The following PLEKHG5 variants were observed in gnomAD, a reference collection of about 807,000 sequenced individuals.
PLEKHG5 encodes pleckstrin homology and RhoGEF domain containing G5, also known as pleckstrin homology domain-containing family G member 5.
A neutral mutation model predicts 103.8 loss-of-function variants in PLEKHG5; 52 were observed. That is an observed-to-expected ratio of 0.50 (90% CI 0.40 to 0.63). The LOEUF is 0.63. Ranked by LOEUF, PLEKHG5 falls within the 30% of genes least tolerant of loss-of-function variation. The pLI is 0.00. For synonymous variants in PLEKHG5, 592 were observed against 575.5 expected (o/e 1.03, Z -0.41); for missense variants, 1,205 against 1,347.6 (o/e 0.89, Z 1.66).
At chr1:6,496,883 C>A (rs1216868967), upstream of PLEKHG5, 7 of 1,321,564 alleles carry the variant, frequency 5.3e-6, no homozygotes, top group Admixed American at 1.5e-4. Context: ...TTTTGGGGCC[C>A]CAGACTTCCC....
chr1:6,467,813 C>T lies in PLEKHG5; in HGVS notation c.3011+12G>A, dbSNP rs1429573125. The T allele has an allele frequency of 6.2e-7, 1 of 1,612,962 alleles. No homozygotes were observed. Among genetic ancestry groups the T allele is most frequent in the South Asian group, 1.1e-5 (1 of 91,016 alleles). ...CTGAGCCACCTGCCCTACCCCAGTC[C>T]AGGCCACTCACGAGGCAGTGAGCGT... On this transcript the variant is annotated intron_variant, in intron 20 of 20. Coordinates refer to ENST00000377728, the MANE Select transcript of PLEKHG5 (RefSeq NM_020631.6).
Position 6,490,613 on chromosome 1 carries a change from G to A in PLEKHG5, c.-88+1024C>T. ...GGGACGTAGGGGAATTACGGTAGCC[G>A]CGCGGGCGCTACCACCTGGACCGGC... On this transcript the variant is annotated intron_variant, in intron 1 of 20. Coordinates refer to ENST00000377728, the MANE Select transcript of PLEKHG5 (RefSeq NM_020631.6). This position sits in a 1 kb window ranked among gnomAD's most constrained non-coding sequence, Gnocchi z 8.0. The A allele has an allele frequency of 1.0e-6, 1 of 985,256 alleles. No homozygotes were observed. Among genetic ancestry groups the A allele is most frequent in the Non-Finnish European group, 1.2e-6 (1 of 829,802 alleles). 61.0% of individuals were successfully genotyped at this position (985,256 alleles called of 1,614,324 possible).
upstream of PLEKHG5, chr1:6,496,525 G>T (rs201669114): frequency 4.4e-6 from 7 of 1,603,516 alleles, no homozygotes; most frequent in Non-Finnish European, 8.5e-7. Context: ...ATGCAGGCGG[G>T]GTTCTGACAG....
At chr1:6,500,477 C>A (rs1210920256), upstream of PLEKHG5, among the ~76,000 whole-genome samples, 2 of 152,026 alleles carry the variant, frequency 1.3e-5, no homozygotes, top group African/African-American at 2.4e-5. Flanking sequence ...GGTGTCTGCT[C>A]CCCGACCTCA....
chr1:6,477,077 C>T (rs1264906967), intron 2 of PLEKHG5, among the ~76,000 whole-genome samples: 2 of 152,198 alleles, frequency 1.3e-5, no homozygotes, highest in African/African-American at 4.8e-5. Flanking sequence ...GATGGTGGGC[C>T]TGAGCTGGGT....
rs1644638739 is a variant in PLEKHG5, at chr1:6,472,991, G to A, written c.979C>T (p.His327Tyr). The A allele has an allele frequency of 6.2e-7, 1 of 1,613,710 alleles. No homozygotes were observed. Among genetic ancestry groups the A allele is most frequent in the Non-Finnish European group, 8.5e-7 (1 of 1,179,830 alleles). Residue 327 changes from histidine to tyrosine, a missense_variant, in exon 9 of 21, where the codon CAT (histidine) becomes TAT (tyrosine). Transcript: ENST00000377728. ...GCACTGTGGCCCGCACTCACCTCAT[G>A]CCCATCAATGAGCTCCCGCCAGCTG... ...EDSWRELIDG[H>Y]EKLTRRQCHQ... is the part of the protein sequence containing the mutation.
rs756428852 is a variant in PLEKHG5, at chr1:6,477,545, G to A, written c.27C>T (p.Phe9=). Reference sequence around the variant, plus strand: ...TGTGCTCACCTTGTGGGGGAAGGTCGAAGCGGACATGCCCATCATAATGCA... The same window carrying A: ...TGTGCTCACCTTGTGGGGGAAGGTCAAAGCGGACATGCCCATCATAATGCA... The part of the protein sequence containing the change: MHYDGHVR[F]DLPPQGSVLA... The change falls in exon 2 of 21, where the codon TTC becomes TTT. Residue 9 remains phenylalanine (F), a synonymous_variant. Transcript: ENST00000377728. 41 of 1,612,120 alleles carry A rather than the reference G, an allele frequency of 2.5e-5. No individual in the cohort carries two copies. The highest frequency in any genetic ancestry group is 3.3e-4 in the Middle Eastern group (2 of 6,084).
At chr1:6,481,209 C>T (rs1569916446) in intron 1 of PLEKHG5, among the ~76,000 whole-genome samples, 1 of 152,184 alleles carries the variant, frequency 6.6e-6, no homozygotes, top group East Asian at 1.9e-4. Context: ...ACTCAAAACC[C>T]TCCAAGGGTT....
At chr1:6,485,851 C>T (rs974749299) in intron 1 of PLEKHG5, 1 of 988,106 alleles carries the variant, frequency 1.0e-6, no homozygotes, top group Non-Finnish European at 1.2e-6. Context: ...CGCCTCTGCG[C>T]GGCCCCGGGC....
chr1:6,484,807 C>A (rs1264162902), intron 1 of PLEKHG5, among the ~76,000 whole-genome samples: 1 of 152,148 alleles, frequency 6.6e-6, no homozygotes, highest in African/African-American at 2.4e-5. Flanking sequence ...AGAGAGCCCA[C>A]CCATGGGAAC....
In PLEKHG5 at chr1:6,475,912, C is replaced by G. The variant is rs1644753363; in HGVS notation, c.149+19G>C. The G allele has an allele frequency of 6.3e-7, 1 of 1,590,942 alleles. No homozygotes were observed. The highest frequency in any genetic ancestry group is 2.2e-5 in the East Asian group (1 of 44,766). Reference sequence around the variant, plus strand: ...TGGGGCCCTCCAGGTATCTCTCTGCCCACTCATCCCTCACCTACCCTTTGC... The same window carrying G: ...TGGGGCCCTCCAGGTATCTCTCTGCGCACTCATCCCTCACCTACCCTTTGC... On this transcript the variant is annotated intron_variant, in intron 3 of 20. Coordinates refer to ENST00000377728, the MANE Select transcript of PLEKHG5 (RefSeq NM_020631.6).
rs868829654 is a variant in PLEKHG5, at chr1:6,485,966, G to A, written c.-88+5671C>T. On this transcript the variant is annotated intron_variant, in intron 1 of 20. Coordinates refer to ENST00000377728, the MANE Select transcript of PLEKHG5 (RefSeq NM_020631.6). ...GCTCCTTGAATGCTGGAGGCAGGGG[G>A]CGCTGGTGACACCCCCCCCCACCTT... is the stretch of plus-strand genomic sequence containing the variant. 35 of 940,526 alleles carry A rather than the reference G, an allele frequency of 3.7e-5. No individual in the cohort carries two copies. In the Middle Eastern group the frequency reaches 1.6e-3, roughly 43 times the overall value. The allele number at this position is 940,526 out of a possible 1,614,324, so 58.3% of individuals were successfully genotyped here.
intron 3 of PLEKHG5, 93 bp downstream of exon 3, chr1:6,475,838 G>A (rs1343458327): frequency 6.5e-6 from 7 of 1,077,580 alleles, no homozygotes; most frequent in Admixed American, 1.7e-5. Context: ...CTTACTTGAG[G>A]AAGGCGCCAG....
At chr1:6,485,883 C>T (rs1191995808) in intron 1 of PLEKHG5, 1 of 987,754 alleles carries the variant, frequency 1.0e-6, no homozygotes, top group African/African-American at 1.7e-5. Flanking sequence ...CTGACTCCCT[C>T]CTCAACACCA....
At chr1:6,471,436 G>C (rs1481256459) in intron 12 of PLEKHG5, 52 bp downstream of exon 12, 4 of 1,571,942 alleles carry the variant, frequency 2.5e-6, no homozygotes, top group South Asian at 1.2e-5. Flanking sequence ...GAGGCTTTTC[G>C]GCGCCCCAGC....
chr1:6,502,656 A>G (rs940059390), intron 1 of PLEKHG5, among the ~76,000 whole-genome samples: 4 of 152,192 alleles, frequency 2.6e-5, no homozygotes, highest in Non-Finnish European at 4.4e-5. Context: ...AGGGCGGAAC[A>G]GGAGCGGGGC....
intron 15 of PLEKHG5, 46 bp downstream of exon 15, chr1:6,470,460 C>G (rs572688697): frequency 2.5e-6 from 4 of 1,611,128 alleles, no homozygotes; most frequent in Admixed American, 1.7e-5. Flanking sequence ...GCCAGCTGGG[C>G]CTTCCTCTCT....
Position 6,486,263 on chromosome 1 carries a change from C to A in PLEKHG5, c.-88+5374G>T, listed in dbSNP as rs1353776862. Among the ~76,000 whole-genome samples the A allele has an allele frequency of 2.0e-5, 3 of 152,130 alleles. No individual in the cohort carries two copies. The highest frequency in any genetic ancestry group is 7.2e-5 in the African/African-American group (3 of 41,416). On this transcript the variant is annotated intron_variant, in intron 1 of 20. Coordinates refer to ENST00000377728, the MANE Select transcript of PLEKHG5 (RefSeq NM_020631.6). The surrounding 1 kb of genome is among the most constrained non-coding windows in gnomAD (Gnocchi z 5.3). Reference sequence around the variant, plus strand: ...GGATGGGGCACACTCCCCTCAGGGTCCTTGGTCCGGCTCTCCATCTAGCCC... The same window carrying A: ...GGATGGGGCACACTCCCCTCAGGGTACTTGGTCCGGCTCTCCATCTAGCCC...
At chr1:6,514,786 G>C (rs986145146) in intron 1 of PLEKHG5, among the ~76,000 whole-genome samples, 1 of 150,186 alleles carries the variant, frequency 6.7e-6, no homozygotes, top group Non-Finnish European at 1.5e-5. Context: ...AAAGAAAATT[G>C]GCCAGCCGCG....
Sources: gnomAD v4.1 joint callset for allele counts (sites outside exome capture counted in the v4.1 genomes callset) on GRCh38, gnomAD v4.1.1 for gene constraint, Gnocchi (gnomAD v3.1) non-coding constraint, MANE v1.5 for transcripts, NCBI Gene and HGNC (gene_info 2026-07-23, HGNC 2026-07-21) for gene names.